The following SEMA6D variants were observed in gnomAD, a reference collection of about 807,000 sequenced individuals.
SEMA6D encodes semaphorin-6D.
SEMA6D carries 35 observed loss-of-function variants against 106.6 expected under a neutral mutation model. That is an observed-to-expected ratio of 0.33 (90% CI 0.25 to 0.44). The LOEUF (loss-of-function observed/expected upper bound fraction) is 0.44. Among genes scored for constraint, SEMA6D ranks in the 20% least tolerant of loss-of-function variants. The pLI is 1.00. For synonymous variants in SEMA6D, 499 were observed against 487.7 expected, an observed-to-expected ratio of 1.02 and a Z score of -0.31; for missense variants, 1,185 against 1,345.9, an observed-to-expected ratio of 0.88 and a Z score of 1.87.
At chr15:47,207,041 A>G (rs1895119146) in intron 1 of SEMA6D, among the ~76,000 whole-genome samples, 2 of 152,164 alleles carry the variant, frequency 1.3e-5, no homozygotes, top group African/African-American at 4.8e-5. Context: ...CAAAAAAGAT[A>G]AATGGTTGCT....
intron 2 of SEMA6D, among the ~76,000 whole-genome samples, chr15:47,415,662 C>G (rs2040941554): frequency 6.6e-6 from 1 of 152,106 alleles, no homozygotes; most frequent in Non-Finnish European, 1.5e-5. Flanking sequence ...CAAATATACC[C>G]CCATAGCCCT....
In SEMA6D at chr15:47,761,450, A is replaced by G. The variant is rs758561359; in HGVS notation, c.447+19A>G. The G allele has an allele frequency of 1.8e-5, 28 of 1,563,264 alleles. No individual in the cohort carries two copies. Among genetic ancestry groups the G allele is most frequent in the Non-Finnish European group, 2.2e-5 (25 of 1,146,240 alleles). ...CTACAGGGTAAGTATATTTTATGTG[A>G]TATGCTTCTTTTGATCAACTTTTCT... On this transcript the variant is annotated intron_variant, in intron 6 of 18. Transcript: ENST00000536845.
intron 2 of SEMA6D, among the ~76,000 whole-genome samples, chr15:47,419,990 G>C (rs2041100072): frequency 1.3e-5 from 2 of 152,148 alleles, no homozygotes; most frequent in Non-Finnish European, 2.9e-5. Flanking sequence ...AGAGGGAAGA[G>C]AGTTATATGC....
rs936936944 is a variant in SEMA6D at position 47,245,334 on chromosome 15, C to T, written c.-239+60916C>T. Among the ~76,000 whole-genome samples, 5 of 152,124 alleles carry T rather than the reference C, an allele frequency of 3.3e-5. No individual in the cohort carries two copies. The South Asian group carries it at 1.0e-3, about 31-fold the overall frequency. ...ATCCCTCCAGCAGTGTATAAGTGTT[C>T]CCTTTTCTCCATAGCCTTTTTAATA... is the stretch of plus-strand genomic sequence containing the variant. On this transcript the variant is annotated intron_variant, in intron 1 of 19. Coordinates refer to the SEMA6D transcript ENST00000558014.
chr15:47,675,986 G>T (rs2078237255), intron 4 of SEMA6D, among the ~76,000 whole-genome samples: 1 of 152,138 alleles, frequency 6.6e-6, no homozygotes. Flanking sequence ...GCCTTGGGCT[G>T]CCCCTGGCAG....
chr15:47,590,391 G>T (rs561204272), intron 3 of SEMA6D, among the ~76,000 whole-genome samples: 4 of 148,648 alleles, frequency 2.7e-5, no homozygotes, highest in South Asian at 4.3e-4. Flanking sequence ...GGGGTGGGGG[G>T]CTGGGGGAAG....
intron 1 of SEMA6D, among the ~76,000 whole-genome samples, chr15:47,368,591 C>G (rs929265721): frequency 6.6e-6 from 1 of 151,968 alleles, no homozygotes. Context: ...CTGCCTCAGC[C>G]TCCCAAGTAG....
chr15:47,217,911 A>T (rs1253721405), intron 1 of SEMA6D, among the ~76,000 whole-genome samples: 1 of 142,020 alleles, frequency 7.0e-6, no homozygotes, highest in African/African-American at 2.5e-5. Flanking sequence ...ACACACTTTT[A>T]TAAAGTATCC....
At chr15:47,323,347 T>C (rs1259826554) in intron 1 of SEMA6D, among the ~76,000 whole-genome samples, 1 of 152,072 alleles carries the variant, frequency 6.6e-6, no homozygotes, top group Non-Finnish European at 1.5e-5. Context: ...CACCGGAGAA[T>C]GAGTAAGGCA....
intron 1 of SEMA6D, among the ~76,000 whole-genome samples, chr15:47,728,208 G>T (rs1445872555): frequency 6.6e-6 from 1 of 152,176 alleles, no homozygotes; most frequent in Non-Finnish European, 1.5e-5. Context: ...CCCACTTGGA[G>T]ACTCAGTTTC....
intron 1 of SEMA6D, among the ~76,000 whole-genome samples, chr15:47,226,736 T>A (rs540248241): frequency 3.3e-5 from 5 of 152,082 alleles, no homozygotes; most frequent in Admixed American, 3.3e-4. Context: ...TATGCCTGCT[T>A]GCGAAGAAGC....
intron 3 of SEMA6D, among the ~76,000 whole-genome samples, chr15:47,470,767 T>G (rs954034112): frequency 1.3e-5 from 2 of 152,144 alleles, no homozygotes; most frequent in Non-Finnish European, 2.9e-5. Context: ...ACAAGTATTA[T>G]TATTATTATC....
At chr15:47,734,879 T>G (rs2080352543) in intron 1 of SEMA6D, among the ~76,000 whole-genome samples, 1 of 152,198 alleles carries the variant, frequency 6.6e-6, no homozygotes, top group South Asian at 2.1e-4. Flanking sequence ...GTTGAAATCT[T>G]TGACTTCTAG....
At chr15:47,318,222 AT>A (rs1162510433) in intron 1 of SEMA6D, among the ~76,000 whole-genome samples, 2 of 147,238 alleles carry the variant, frequency 1.4e-5, no homozygotes. Flanking sequence ...AGTTGCGAAT[AT>A]TTTTTCCCAC....
intron 3 of SEMA6D, among the ~76,000 whole-genome samples, chr15:47,547,695 A>C (rs574585287): frequency 6.6e-6 from 1 of 152,298 alleles, no homozygotes; most frequent in Admixed American, 6.5e-5. Context: ...TTTGAAGCTC[A>C]AAAATGTGCA....
At chr15:47,367,686 G>GCGCGCA (rs2039094595) in intron 1 of SEMA6D, among the ~76,000 whole-genome samples, 1 of 42,072 alleles carries the variant, frequency 2.4e-5, no homozygotes, top group African/African-American at 9.1e-5. Flanking sequence ...ACACGCGCGC[G>GCGCGCA]CGCGCGCACA....
At chr15:47,439,436 A>T (rs1297254991) in intron 2 of SEMA6D, among the ~76,000 whole-genome samples, 3 of 152,126 alleles carry the variant, frequency 2.0e-5, no homozygotes, top group Non-Finnish European at 4.4e-5. Flanking sequence ...GAAACAACTG[A>T]TACAATTTGG....
intron 4 of SEMA6D, among the ~76,000 whole-genome samples, chr15:47,680,471 G>T (rs948749558): frequency 3.3e-5 from 5 of 152,242 alleles, no homozygotes; most frequent in African/African-American, 9.6e-5. Context: ...GGTACTAACT[G>T]GTTAGCATAT....
chr15:47,520,190 A>C (rs2044525747), intron 3 of SEMA6D, among the ~76,000 whole-genome samples: 1 of 152,236 alleles, frequency 6.6e-6, no homozygotes, highest in Non-Finnish European at 1.5e-5. Context: ...TGGCTGATAC[A>C]AAATCAATTT....
Sources: allele counts gnomAD v4.1 joint callset (sites outside exome capture counted in the v4.1 genomes callset), GRCh38; gene constraint gnomAD v4.1.1; transcripts MANE v1.5; gene names NCBI Gene and HGNC (gene_info 2026-07-23, HGNC 2026-07-21).